FOXP2: variants seen among roughly 807,000 people sequenced by gnomAD.
FOXP2 encodes the protein forkhead box P2.
In FOXP2, 12 loss-of-function variants were observed where a neutral mutation model predicts 115.8. The observed-to-expected ratio is 0.10, with a 90% CI of 0.07 to 0.17. FOXP2 has a LOEUF of 0.17. FOXP2 is among the 10% of genes least tolerant of loss of function. The pLI, the probability that FOXP2 is intolerant of heterozygous loss-of-function variation, is 1.00. For synonymous variants in FOXP2, 328 were observed against 297.7 expected (o/e 1.10, Z -1.05); for missense variants, 629 against 843.5 (o/e 0.75, Z 3.15).
At chr7:114,557,404 A>G (rs1800517803) in intron 3 of FOXP2, among the ~76,000 whole-genome samples, 1 of 152,238 alleles carries the variant, frequency 6.6e-6, no homozygotes, top group African/African-American at 2.4e-5. Context: ...TGAAAATCGC[A>G]TTAAGACAAA....
intron 3 of FOXP2, among the ~76,000 whole-genome samples, chr7:114,575,162 C>T (rs1422110892): frequency 6.6e-6 from 1 of 151,782 alleles, no homozygotes; most frequent in Non-Finnish European, 1.5e-5. Flanking sequence ...ATAACTGGGC[C>T]AGTTTCTTAA....
At chr7:114,391,227 C>A (rs1223229348) in intron 2 of FOXP2, among the ~76,000 whole-genome samples, 2 of 152,014 alleles carry the variant, frequency 1.3e-5, no homozygotes, top group Non-Finnish European at 2.9e-5. Flanking sequence ...GGAAAACATG[C>A]AGCTCTGGCA....
chr7:114,145,476 C>CTTTTCTTTTCTTTT (rs1792345050), intron 1 of FOXP2, among the ~76,000 whole-genome samples: 1 of 139,408 alleles, frequency 7.2e-6, no homozygotes, highest in Non-Finnish European at 1.5e-5. Context: ...CTTTTCTTTT[C>CTTTTCTTTTCTTTT]TTTTCTTTTC....
chr7:114,235,409 A>G (rs1317338621), intron 1 of FOXP2, among the ~76,000 whole-genome samples: 1 of 152,104 alleles, frequency 6.6e-6, no homozygotes, highest in African/African-American at 2.4e-5. Context: ...CACTTAAAAA[A>G]AAGGAAAAAC....
At chr7:114,688,803 AT>A (rs1188571457) in intron 16 of FOXP2, among the ~76,000 whole-genome samples, 1 of 152,180 alleles carries the variant, frequency 6.6e-6, no homozygotes, top group Non-Finnish European at 1.5e-5. Flanking sequence ...AGTTAAAAAC[AT>A]GTATCATCAT....
chr7:114,381,847 G>C (rs1295817243), intron 2 of FOXP2, among the ~76,000 whole-genome samples: 5 of 151,998 alleles, frequency 3.3e-5, no homozygotes, highest in Admixed American at 1.3e-4. Context: ...CGGGTCTGAG[G>C]GGGTACTGCC....
intron 2 of FOXP2, among the ~76,000 whole-genome samples, chr7:114,376,066 G>C (rs1792130310): frequency 6.6e-6 from 1 of 152,152 alleles, no homozygotes; most frequent in South Asian, 2.1e-4. Flanking sequence ...GCCATCTCTA[G>C]GGTGTTGCCC....
chr7:114,454,927 A>G (rs1046657996), intron 2 of FOXP2, among the ~76,000 whole-genome samples: 1 of 139,214 alleles, frequency 7.2e-6, no homozygotes, highest in Non-Finnish European at 1.5e-5. Context: ...CTAGATGACG[A>G]GTTAGTGGGT....
chr7:114,538,394 T>G, intron 3 of FOXP2: 1 of 1,296,894 alleles, frequency 7.7e-7, no homozygotes, highest in Non-Finnish European at 1.0e-6. Context: ...GTAAATGCCA[T>G]TGCTTTGCTA....
chr7:114,146,982 C>T (rs1792387910), intron 1 of FOXP2, among the ~76,000 whole-genome samples: 6 of 152,054 alleles, frequency 3.9e-5, no homozygotes. Context: ...GTTACAACAC[C>T]CCTCAAATCC....
intron 5 of FOXP2, among the ~76,000 whole-genome samples, chr7:114,630,229 A>G (rs536124207): frequency 1.3e-5 from 2 of 152,266 alleles, no homozygotes; most frequent in Admixed American, 6.5e-5. Flanking sequence ...TCTAATGTTC[A>G]CTAATGAATC....
intron 2 of FOXP2, among the ~76,000 whole-genome samples, chr7:114,305,314 T>A (rs549531755): frequency 2.0e-5 from 3 of 152,178 alleles, no homozygotes; most frequent in Admixed American, 6.6e-5. Context: ...CACATATTCA[T>A]TTCATCAGCT....
intron 2 of FOXP2, among the ~76,000 whole-genome samples, chr7:114,434,217 T>A (rs1252208943): frequency 6.6e-6 from 1 of 151,978 alleles, no homozygotes; most frequent in Non-Finnish European, 1.5e-5. Context: ...AATCAAAATT[T>A]AGCTGATTGT....
intron 1 of FOXP2, among the ~76,000 whole-genome samples, chr7:114,249,377 C>A (rs1452145074): frequency 6.6e-6 from 1 of 152,028 alleles, no homozygotes; most frequent in South Asian, 2.1e-4. Context: ...CCCGTTCCCC[C>A]CAGTAGGCCC....
chr7:114,148,590 G>C (rs1375316641), intron 1 of FOXP2, among the ~76,000 whole-genome samples: 2 of 152,102 alleles, frequency 1.3e-5, no homozygotes, highest in Admixed American at 1.3e-4. Flanking sequence ...TTAGATACTT[G>C]CTCTCTTGAG....
rs1321813418 is a variant in FOXP2 at position 114,662,097 on chromosome 7, G to A, written c.1680G>A (p.Lys560=). The stretch of plus-strand genomic sequence containing the variant: ...TACGTCATAATCTTAGCCTGCACAA[G>A]TGTTTTGTTCGAGTAGAAAATGTTA... ...NAVRHNLSLH[K]CFVRVENVKG... Residue 560 remains lysine, a synonymous_variant, in exon 14 of 17, where the codon AAG becomes AAA. Coordinates refer to ENST00000350908, the MANE Select transcript of FOXP2 (RefSeq NM_014491.4). 3 of 1,612,846 alleles carry A rather than the reference G, an allele frequency of 1.9e-6. No homozygotes were observed. The Admixed American group carries it at 5.0e-5, about 27-fold the overall frequency.
intron 2 of FOXP2, among the ~76,000 whole-genome samples, chr7:114,328,928 A>G (rs1279959523): frequency 6.6e-6 from 1 of 152,208 alleles, no homozygotes; most frequent in African/African-American, 2.4e-5. Flanking sequence ...AATCACTCTT[A>G]GTACATTATG....
At position 114,692,984 on chromosome 7, in the gene FOXP2, C is replaced by A. The variant is rs566814573; in HGVS notation, c.*3058C>A. ...TTTCACTGCTGAATAAAATAAAGGA[C>A]CAAACCTAGGATTTGAAAGAAAACT... On this transcript the variant is annotated 3_prime_UTR_variant, in exon 17 of 17. Transcript: ENST00000350908. The A allele has an allele frequency of 4.2e-5, 19 of 453,800 alleles. No homozygotes were observed. In the East Asian group the frequency reaches 4.9e-4, roughly 12 times the overall value. The allele number at this position is 453,800 out of a possible 1,614,324, so 28.1% of individuals were successfully genotyped here.
At chr7:114,265,055 G>A (rs563244229) in intron 1 of FOXP2, among the ~76,000 whole-genome samples, 11 of 152,040 alleles carry the variant, frequency 7.2e-5, no homozygotes, top group Non-Finnish European at 1.2e-4. Context: ...TTTTGCCCCG[G>A]CCCCTCCCAA....
Sources: gnomAD v4.1 joint callset for allele counts (sites outside exome capture counted in the v4.1 genomes callset) on GRCh38, gnomAD v4.1.1 for gene constraint, MANE v1.5 for transcripts, NCBI Gene and HGNC (gene_info 2026-07-23, HGNC 2026-07-21) for gene names.